The following PLEKHA7 variants were observed in gnomAD, a reference collection of about 807,000 sequenced individuals.
PLEKHA7 encodes pleckstrin homology domain-containing family A member 7.
A neutral mutation model predicts 170.0 loss-of-function variants in PLEKHA7; 104 were observed. The observed-to-expected ratio is 0.61, with a 90% CI of 0.52 to 0.72. The LOEUF (loss-of-function observed/expected upper bound fraction) is 0.72. PLEKHA7 is among the 30% of genes least tolerant of loss of function. PLEKHA7 has a pLI of 0.00. For missense variants in PLEKHA7, 1,615 were observed against 1,671.7 expected (o/e 0.97, Z 0.59); for synonymous variants, 648 against 660.8 (o/e 0.98, Z 0.30).
chr11:16,865,357 T>C lies in PLEKHA7; in HGVS notation c.305+5742A>G, dbSNP rs117329215. The stretch of plus-strand genomic sequence containing the variant: ...TGGGGGAACAAGGCTACAGAACCCA[T>C]TGACTGATGCCTAGTCCCCTCAGGG... On this transcript the variant is annotated intron_variant, in intron 4 of 26. Transcript: ENST00000531066. Among the ~76,000 whole-genome samples, 325 of 152,318 alleles carry C rather than the reference T, an allele frequency of 2.1e-3. 4 individuals carry two copies. Among genetic ancestry groups the C allele is most frequent in the Admixed American group, 0.016 (251 of 15,306 alleles).
chr11:16,871,014 A>G, intron 4 of PLEKHA7, 85 bp downstream of exon 4: 1 of 1,051,022 alleles, frequency 9.5e-7, no homozygotes, highest in Non-Finnish European at 1.4e-6. Flanking sequence ...TCTCAGAGAA[A>G]ACAGTCCAGT....
chr11:16,941,777 T>G (rs566584619), intron 3 of PLEKHA7, among the ~76,000 whole-genome samples: 2 of 152,286 alleles, frequency 1.3e-5, no homozygotes, highest in South Asian at 4.2e-4. Context: ...AGTTTTGTAC[T>G]TAAAACCTTA....
chr11:16,914,319 A>G (rs12287420), intron 3 of PLEKHA7, among the ~76,000 whole-genome samples: 1,955 of 151,956 alleles, frequency 0.013, 52 homozygotes, highest in African/African-American at 0.044. Flanking sequence ...TTAAAGTGGG[A>G]AAAAAAAATC....
intron 9 of PLEKHA7, among the ~76,000 whole-genome samples, chr11:16,829,427 C>A (rs1297868275): frequency 1.3e-5 from 2 of 152,034 alleles, no homozygotes; most frequent in African/African-American, 4.8e-5. Context: ...GAGTGAGGGC[C>A]CATTCATTGT....
At chr11:16,938,034 T>A (rs1265189150) in intron 3 of PLEKHA7, among the ~76,000 whole-genome samples, 1 of 152,218 alleles carries the variant, frequency 6.6e-6, no homozygotes, top group East Asian at 1.9e-4. Context: ...GTGAGTGCCT[T>A]CGTATTCTTC....
At chr11:16,801,196 A>C (rs1848574570) in intron 16 of PLEKHA7, 121 bp from the exon 17 acceptor site, 2 of 826,948 alleles carry the variant, frequency 2.4e-6, no homozygotes, top group Non-Finnish European at 4.1e-6. Flanking sequence ...GAGACCGGGC[A>C]GGCCTGGTGG....
chr11:16,835,733 G>A (rs922156729), intron 9 of PLEKHA7, among the ~76,000 whole-genome samples: 1 of 152,214 alleles, frequency 6.6e-6, no homozygotes, highest in Non-Finnish European at 1.5e-5. Context: ...AAGTAGTAGA[G>A]CATGGATTTG....
Position 16,791,496 on chromosome 11 carries a change from GCTGA to G in PLEKHA7, c.2746-301_2746-298del. 1 of 584,382 alleles carries G rather than the reference GCTGA, an allele frequency of 1.7e-6. No homozygotes were observed. The highest frequency in any genetic ancestry group is 2.2e-5 in the Admixed American group (1 of 46,224). 36.2% of individuals were successfully genotyped at this position (584,382 alleles called of 1,614,324 possible). A position where few individuals can be genotyped will look rare whatever the true frequency, so the allele number is the denominator to read the frequency against. On this transcript the variant is annotated intron_variant, in intron 19 of 26. Coordinates refer to ENST00000531066, the MANE Select transcript of PLEKHA7 (RefSeq NM_001329630.2). This position sits in a 1 kb window ranked among gnomAD's most constrained non-coding sequence, Gnocchi z 4.5. Reference sequence around the variant, plus strand: ...CCTGGGTCCATGCCCTCGGTGCTGTGCTGAACTGCTCCCTCCGCTCATCTGGAGT... The same window carrying G: ...CCTGGGTCCATGCCCTCGGTGCTGTGACTGCTCCCTCCGCTCATCTGGAGT...
At chr11:16,845,927 C>T (rs1852365412) in intron 8 of PLEKHA7, among the ~76,000 whole-genome samples, 1 of 152,022 alleles carries the variant, frequency 6.6e-6, no homozygotes, top group Admixed American at 6.6e-5. Context: ...GAGAGAACAC[C>T]AGGTATAAAG....
At chr11:16,847,708 G>A (rs1852561048) in intron 8 of PLEKHA7, among the ~76,000 whole-genome samples, 2 of 152,056 alleles carry the variant, frequency 1.3e-5, no homozygotes, top group Admixed American at 1.3e-4. Context: ...TGGGCGCAGT[G>A]GCAGGTGCCT....
At chr11:16,908,392 A>G (rs1421810835) in intron 3 of PLEKHA7, among the ~76,000 whole-genome samples, 3 of 152,250 alleles carry the variant, frequency 2.0e-5, no homozygotes, top group African/African-American at 7.2e-5. Context: ...GGATACAGTG[A>G]GAAGGTGGCA....
At position 16,801,054 on chromosome 11, in the gene PLEKHA7, C is replaced by T. The variant is rs201494675; in HGVS notation, c.2329G>A (p.Glu777Lys). The T allele has an allele frequency of 1.2e-6, 2 of 1,614,224 alleles. No homozygotes were observed. Among genetic ancestry groups the T allele is most frequent in the African/African-American group, 1.3e-5 (1 of 75,056 alleles). ...ACATCATTCTCCAACTTCAGGTATT[C>T]GTTCCAAGCATTTTCCATCTCCTGT... The part of the protein sequence containing the change: ...ESTEMENAWN[E>K]YLKLENDVEQ... The change falls in exon 17 of 27, where the codon GAA becomes AAA. Residue 777 changes from glutamate (E) to lysine (K), a missense_variant. Glu to Lys is a moderately conservative substitution (Grantham distance 56). Transcript: ENST00000531066.
intron 25 of PLEKHA7, among the ~76,000 whole-genome samples, chr11:16,783,172 A>C (rs1384359498): frequency 6.6e-6 from 1 of 152,210 alleles, no homozygotes; most frequent in Admixed American, 6.5e-5. Context: ...CCAGCTCTGA[A>C]AGGGAGGCTT....
In PLEKHA7 at chr11:16,892,520, A is replaced by G. The variant is rs1227813331; in HGVS notation, c.222-21338T>C. ...GAGTGCAGTAGTACAGTCTCAGCTC[A>G]CTGTAACCTCTACCCTACTGGCTCA... On this transcript the variant is annotated intron_variant, in intron 3 of 26. Transcript: ENST00000531066. Among the ~76,000 whole-genome samples the G allele has an allele frequency of 2.0e-5, 3 of 150,320 alleles. No individual in the cohort carries two copies. The East Asian group carries it at 5.9e-4, about 29-fold the overall frequency.
chr11:16,841,701 C>T lies in PLEKHA7; in HGVS notation c.718G>A (p.Ala240Thr), dbSNP rs1397505110. 3 of 1,614,096 alleles carry T rather than the reference C, an allele frequency of 1.9e-6. No homozygotes were observed. In the East Asian group the frequency reaches 6.7e-5, roughly 36 times the overall value. ...GCTGTGGAGCTGTTATAGATGAGCGCTCGCATCCCCGTGTGCACAGCCTGT... is the reference window on the plus strand; with the variant it reads ...GCTGTGGAGCTGTTATAGATGAGCGTTCGCATCCCCGTGTGCACAGCCTGT... ...SFKAVHTGMR[A>T]LIYNSSTAGS... is the part of the protein sequence containing the mutation. The change falls in exon 9 of 27, where the codon GCG (alanine) becomes ACG (threonine). Residue 240 changes from alanine to threonine, a missense_variant. Coordinates refer to ENST00000531066, the MANE Select transcript of PLEKHA7 (RefSeq NM_001329630.2).
In PLEKHA7 at chr11:16,826,348, G is replaced by A. The variant is rs748469521; in HGVS notation, c.1115C>T (p.Ala372Val). 5 of 1,614,136 alleles carry A rather than the reference G, an allele frequency of 3.1e-6. No individual in the cohort carries two copies. Among genetic ancestry groups the A allele is most frequent in the Admixed American group, 1.7e-5 (1 of 60,012 alleles). Residue 372 changes from alanine to valine, a missense_variant, in exon 10 of 27, where the codon GCC becomes GTC. Transcript: ENST00000531066. ...RSPYSPAEED[A>V]LFMDLPTGPR... ...GCCAGTGGGTAAATCCATAAACAAGGCATCCTCCTCGGCTGGCGAGTACGG... is the reference window on the plus strand; with the variant it reads ...GCCAGTGGGTAAATCCATAAACAAGACATCCTCCTCGGCTGGCGAGTACGG...
intron 3 of PLEKHA7, among the ~76,000 whole-genome samples, chr11:16,995,556 CAGTT>C (rs1278742568): frequency 1.3e-5 from 2 of 152,194 alleles, no homozygotes; most frequent in Non-Finnish European, 2.9e-5. Flanking sequence ...ATTATCCTGA[CAGTT>C]AGTCACATGC....
intron 3 of PLEKHA7, among the ~76,000 whole-genome samples, chr11:16,875,924 C>T (rs1855255897): frequency 6.6e-6 from 1 of 152,130 alleles, no homozygotes. Flanking sequence ...AGTAAGGTCC[C>T]TAAAGAACGG....
chr11:16,783,776 C>T lies in PLEKHA7; in HGVS notation c.3574G>A (p.Glu1192Lys). ...TGCAGCTCCTCAAGGCTGGGTGGCT[C>T]TTCGGGATCTAGCTCCACGTAGCGC... ...PERYVELDPE[E>K]PPSLEELQAR... The change falls in exon 25 of 27, where the codon GAG (glutamate) becomes AAG (lysine). Residue 1192 changes from glutamate to lysine, a missense_variant. Physicochemically the swap from Glu to Lys is moderately conservative, Grantham distance 56. Coordinates refer to ENST00000531066, the MANE Select transcript of PLEKHA7 (RefSeq NM_001329630.2). The T allele has an allele frequency of 1.3e-6, 2 of 1,515,186 alleles. No homozygotes were observed. The highest frequency in any genetic ancestry group is 1.8e-6 in the Non-Finnish European group (2 of 1,136,978). 93.9% of individuals were successfully genotyped at this position (1,515,186 alleles called of 1,614,324 possible).
Sources: gnomAD v4.1 joint callset for allele counts (sites outside exome capture counted in the v4.1 genomes callset) on GRCh38, gnomAD v4.1.1 for gene constraint, Gnocchi (gnomAD v3.1) non-coding constraint, MANE v1.5 for transcripts, NCBI Gene and HGNC (gene_info 2026-07-23, HGNC 2026-07-21) for gene names.